GLI3: variants seen among roughly 807,000 people sequenced by gnomAD.
GLI3 encodes transcription activator GLI3.
In GLI3, 20 loss-of-function variants were observed where a neutral mutation model predicts 100.8. The observed-to-expected ratio is 0.20, with a 90% CI of 0.14 to 0.29. GLI3 has a LOEUF of 0.29. Ranked by LOEUF, GLI3 falls within the 10% of genes least tolerant of loss-of-function variation. GLI3 has a pLI of 1.00. For missense variants in GLI3, 2,040 were observed against 2,128.5 expected, an observed-to-expected ratio of 0.96 and a Z score of 0.82; for synonymous variants, 938 against 860.5, an observed-to-expected ratio of 1.09 and a Z score of -1.58.
chr7:42,181,841 A>G (rs1787600425), intron 2 of GLI3, among the ~76,000 whole-genome samples: 1 of 152,188 alleles, frequency 6.6e-6, no homozygotes, highest in African/African-American at 2.4e-5. Flanking sequence ...GGTAAATAAC[A>G]TCAAGCACTA....
intron 3 of GLI3, among the ~76,000 whole-genome samples, chr7:42,124,451 G>A (rs148616647): frequency 1.2e-3 from 190 of 152,248 alleles, no homozygotes; most frequent in African/African-American, 4.2e-3. Context: ...AACCAACACC[G>A]GAGAAGCTGA....
intron 10 of GLI3, among the ~76,000 whole-genome samples, chr7:42,015,153 A>G (rs1289098761): frequency 6.6e-6 from 1 of 152,238 alleles, no homozygotes; most frequent in Non-Finnish European, 1.5e-5. Flanking sequence ...CAGATGAGAC[A>G]CGGAGGATTT....
intron 3 of GLI3, among the ~76,000 whole-genome samples, chr7:42,121,685 G>A (rs1281713409): frequency 6.6e-6 from 1 of 152,078 alleles, no homozygotes; most frequent in African/African-American, 2.4e-5. Flanking sequence ...CAGTTTGTAT[G>A]TCTGCTCTTC....
At chr7:42,008,123 C>T (rs548893934) in intron 10 of GLI3, among the ~76,000 whole-genome samples, 2 of 152,334 alleles carry the variant, frequency 1.3e-5, no homozygotes, top group East Asian at 1.9e-4. Flanking sequence ...CAGCAACCCA[C>T]TGGATGCTCT....
At position 42,029,147 on chromosome 7, in the gene GLI3, C is replaced by T. The variant is rs1166732303; in HGVS notation, c.1029-2735G>A. On this transcript the variant is annotated intron_variant, in intron 7 of 14. Transcript: ENST00000395925. The stretch of plus-strand genomic sequence containing the variant: ...CTCCTCCTCGTGCACAGACCTGGGC[C>T]AGGGCAGGGTATGGGACAGCTTGTC... Among the ~76,000 whole-genome samples, 13 of 152,178 alleles carry T rather than the reference C, an allele frequency of 8.5e-5. 1 individual carries two copies. The highest frequency in any genetic ancestry group is 8.5e-4 in the Admixed American group (13 of 15,280).
rs374556394 is a variant in GLI3 at position 41,972,085 on chromosome 7, G to A, written c.2103+252C>T. 2.6e-5 allele frequency among the ~76,000 whole-genome samples: 4 copies of A among 152,180 alleles called. No homozygotes were observed. The highest frequency in any genetic ancestry group is 1.9e-4 in the East Asian group (1 of 5,198). ...AGACACGCTGGAGAGACAGACAGTC[G>A]TGTCTTTCTTCCTTCCATGGCACAG... On this transcript the variant is annotated intron_variant, in intron 13 of 14. Coordinates refer to ENST00000395925, the MANE Select transcript of GLI3 (RefSeq NM_000168.6). This position sits in a 1 kb window ranked among gnomAD's most constrained non-coding sequence, Gnocchi z 4.4.
chr7:42,232,769 G>A (rs1788718637), intron 1 of GLI3, among the ~76,000 whole-genome samples: 1 of 152,098 alleles, frequency 6.6e-6, no homozygotes, highest in African/African-American at 2.4e-5. Flanking sequence ...TTCAGGAGGG[G>A]GCTGAAATGT....
chr7:42,233,042 T>C (rs1562795473), intron 1 of GLI3, among the ~76,000 whole-genome samples: 1 of 152,192 alleles, frequency 6.6e-6, no homozygotes, highest in Non-Finnish European at 1.5e-5. Flanking sequence ...CATAAAACAA[T>C]TGAGACACCA....
chr7:41,968,763 G>GAAAGAAGGAAGGAAGGAAGGAAGGAA (rs1491137662), intron 13 of GLI3, among the ~76,000 whole-genome samples: 1 of 56,690 alleles, frequency 1.8e-5, no homozygotes, highest in African/African-American at 8.1e-5. Context: ...AAAGAAAGAA[G>GAAAGAAGGAAGGAAGGAAGGAAGGAA]GAAAGAAAGA....
At chr7:42,021,659 T>G (rs1240494478) in intron 10 of GLI3, among the ~76,000 whole-genome samples, 1 of 152,254 alleles carries the variant, frequency 6.6e-6, no homozygotes, top group Admixed American at 6.5e-5. Flanking sequence ...AGCTCTTATT[T>G]CATTCCTGAT....
chr7:41,965,496 A>G lies in GLI3; in HGVS notation c.3577T>C (p.Phe1193Leu), dbSNP rs1787142115. ...GGGTGGACGACCATGCCGTTGCAGA[A>G]CCCAAAGGCGCGAGTCTGCGGCACA... Reference protein sequence around the residue: ...PAVPQTRAFGFCNGMVVHPQN... With the variant: ...PAVPQTRAFGLCNGMVVHPQN... Residue 1193 changes from phenylalanine to leucine, a missense_variant, in exon 15 of 15, where the codon TTC becomes CTC. By Grantham distance (22) the Phe-to-Leu change is conservative. Coordinates refer to ENST00000395925, the MANE Select transcript of GLI3 (RefSeq NM_000168.6). 1 of 1,608,170 alleles carries G rather than the reference A, an allele frequency of 6.2e-7. No individual in the cohort carries two copies. Among genetic ancestry groups the G allele is most frequent in the East Asian group, 2.2e-5 (1 of 44,636 alleles).
intron 3 of GLI3, among the ~76,000 whole-genome samples, chr7:42,078,446 A>G (rs1401549420): frequency 6.6e-6 from 1 of 152,220 alleles, no homozygotes; most frequent in East Asian, 1.9e-4. Flanking sequence ...CATTCATAGA[A>G]GCTCTGTGGT....
In GLI3 at chr7:42,125,710, G is replaced by C. The variant is rs1786109040; in HGVS notation, c.367+22516C>G. Among the ~76,000 whole-genome samples the C allele has an allele frequency of 3.3e-5, 5 of 152,262 alleles. No homozygotes were observed. In the South Asian group the frequency reaches 1.0e-3, roughly 32 times the overall value. On this transcript the variant is annotated intron_variant, in intron 3 of 14. Transcript: ENST00000395925. ...TGAGAGCAAAGAAAAACAATGTTCA[G>C]GATTATACTCTGCCCATAATACAGA...
chr7:42,114,968 T>C (rs1785812581), intron 3 of GLI3, among the ~76,000 whole-genome samples: 1 of 151,744 alleles, frequency 6.6e-6, no homozygotes, highest in Non-Finnish European at 1.5e-5. Context: ...TCCCAAAATA[T>C]TGAGCTTACA....
chr7:42,062,687 G>A (rs376738930), intron 4 of GLI3, among the ~76,000 whole-genome samples: 5 of 145,840 alleles, frequency 3.4e-5, no homozygotes, highest in African/African-American at 1.1e-4. Flanking sequence ...TAAGAGAGAA[G>A]GTTTATATAT....
intron 1 of GLI3, among the ~76,000 whole-genome samples, chr7:42,258,338 AG>A: frequency 6.6e-6 from 1 of 152,298 alleles, no homozygotes; most frequent in African/African-American, 2.4e-5. Context: ...ACTGTAATCA[AG>A]TAGGATTTTG....
intron 10 of GLI3, among the ~76,000 whole-genome samples, chr7:41,984,807 G>T (rs543027511): frequency 3.3e-5 from 5 of 152,310 alleles, no homozygotes; most frequent in Non-Finnish European, 5.9e-5. Context: ...AAATCCCACA[G>T]AACTGCTTTA....
In GLI3 at chr7:41,965,510, G is replaced by A; in HGVS notation, c.3563C>T (p.Thr1188Ile). 3.7e-6 allele frequency: 6 copies of A among 1,607,256 alleles called. No homozygotes were observed. The highest frequency in any genetic ancestry group is 3.4e-6 in the Non-Finnish European group (4 of 1,174,894). ...GCCGTTGCAGAACCCAAAGGCGCGA[G>A]TCTGCGGCACAGCGGGCCGCGGCCC... ...KCGPRPAVPQTRAFGFCNGMV... is the reference protein window; with the variant it reads ...KCGPRPAVPQIRAFGFCNGMV... Residue 1188 changes from threonine to isoleucine, a missense_variant, in exon 15 of 15, where the codon ACT (threonine) becomes ATT (isoleucine). This residue lies in a region of GLI3 where 1,041 missense variants were observed against 924.0 expected (regional missense o/e 1.13). Coordinates refer to ENST00000395925, the MANE Select transcript of GLI3 (RefSeq NM_000168.6).
intron 1 of GLI3, among the ~76,000 whole-genome samples, chr7:42,236,735 C>T (rs947037363): frequency 3.9e-5 from 6 of 152,238 alleles, no homozygotes; most frequent in Non-Finnish European, 7.3e-5. Flanking sequence ...TCCAATCCGT[C>T]TCCGGCCGGT....
Sources: gnomAD v4.1 joint callset for allele counts (sites outside exome capture counted in the v4.1 genomes callset) on GRCh38, gnomAD v4.1.1 for gene constraint, gnomAD v4.1.1 regional missense constraint, Gnocchi (gnomAD v3.1) non-coding constraint, MANE v1.5 for transcripts, NCBI Gene and HGNC (gene_info 2026-07-23, HGNC 2026-07-21) for gene names.